Variants in KYNU observed in about 807,000 individuals in gnomAD.
The protein encoded by KYNU is kynureninase, also known as L-kynurenine hydrolase.
A neutral mutation model predicts 59.2 loss-of-function variants in KYNU; 54 were observed. That is an observed-to-expected ratio of 0.91 (90% confidence interval 0.73 to 1.14). The LOEUF (loss-of-function observed/expected upper bound fraction) is 1.14. Ranked by LOEUF, KYNU falls within the 50% of genes most tolerant of loss-of-function variation. The pLI, the probability that KYNU is intolerant of heterozygous loss-of-function variation, is 0.00. For synonymous variants in KYNU, 177 were observed against 192.0 expected (o/e 0.92, Z 0.65); for missense variants, 567 against 554.4 (o/e 1.02, Z -0.23).
chr2:143,022,763 A>G lies in KYNU; in HGVS notation c.903-6864A>G, dbSNP rs168476. Among the ~76,000 whole-genome samples the G allele has an allele frequency of 7.2e-4, 109 of 151,786 alleles. 1 individual carries two copies. The Middle Eastern group carries it at 0.024, about 33-fold the overall frequency. On this transcript the variant is annotated intron_variant, in intron 10 of 13. Transcript: ENST00000264170. ...TAATATTCTCCCAAAAAATTATTCAATTAATCTAGATTTGTCAATTTAAGC... is the reference window on the plus strand; with the variant it reads ...TAATATTCTCCCAAAAAATTATTCAGTTAATCTAGATTTGTCAATTTAAGC...
At chr2:142,896,998 C>T (rs1207141285) in intron 2 of KYNU, among the ~76,000 whole-genome samples, 1 of 152,178 alleles carries the variant, frequency 6.6e-6, no homozygotes, top group Non-Finnish European at 1.5e-5. Flanking sequence ...ATCTAACCAT[C>T]AGTCTTAAAG....
chr2:142,945,862 C>G (rs1403573393), intron 4 of KYNU, among the ~76,000 whole-genome samples: 1 of 151,848 alleles, frequency 6.6e-6, no homozygotes, highest in African/African-American at 2.4e-5. Context: ...CTCAAACTCC[C>G]AAGTAGCTGG....
chr2:142,950,235 C>A (rs1448575783), intron 4 of KYNU, among the ~76,000 whole-genome samples: 1 of 152,194 alleles, frequency 6.6e-6, no homozygotes, highest in Non-Finnish European at 1.5e-5. Context: ...CCCTCCAAAC[C>A]ATTCCAACCT....
At chr2:143,013,019 A>G (rs967948875) in intron 10 of KYNU, among the ~76,000 whole-genome samples, 1 of 151,948 alleles carries the variant, frequency 6.6e-6, no homozygotes, top group East Asian at 1.9e-4. Flanking sequence ...AAGTCTCACT[A>G]TGTTGTCCAG....
intron 4 of KYNU, chr2:142,947,254 T>C (rs1683820812): frequency 6.5e-7 from 1 of 1,545,936 alleles, no homozygotes; most frequent in Non-Finnish European, 8.7e-7. Context: ...GAGAGGAAGA[T>C]TTTCAAGTAG....
At chr2:142,891,331 C>T (rs1236929941) in intron 2 of KYNU, among the ~76,000 whole-genome samples, 1 of 151,886 alleles carries the variant, frequency 6.6e-6, no homozygotes, top group Non-Finnish European at 1.5e-5. Flanking sequence ...TTATTTTGAT[C>T]TATATAGAAG....
intron 10 of KYNU, among the ~76,000 whole-genome samples, chr2:142,992,716 T>G (rs1685437242): frequency 6.6e-6 from 1 of 151,982 alleles, no homozygotes; most frequent in Non-Finnish European, 1.5e-5. Context: ...CTTTCTAAGG[T>G]AATCTTCACT....
At chr2:142,908,278 T>C (rs923306989) in intron 2 of KYNU, among the ~76,000 whole-genome samples, 52 of 152,192 alleles carry the variant, frequency 3.4e-4, no homozygotes, top group African/African-American at 1.2e-3. Flanking sequence ...ATATGTATTT[T>C]ATTATTGAAT....
Position 142,943,973 on chromosome 2 carries a change from G to A in KYNU, c.374-10837G>A, listed in dbSNP as rs1276529272. 3.3e-5 allele frequency among the ~76,000 whole-genome samples: 5 copies of A among 152,278 alleles called. No homozygotes were observed. In the East Asian group the frequency reaches 5.8e-4, roughly 18 times the overall value. Reference sequence around the variant, plus strand: ...GAACCCTCTTATCCAATGGTAAACAGCTTGGGGCCTTGTCATCCCCACTTT... The same window carrying A: ...GAACCCTCTTATCCAATGGTAAACAACTTGGGGCCTTGTCATCCCCACTTT... On this transcript the variant is annotated intron_variant, in intron 4 of 13. Transcript: ENST00000264170.
chr2:142,981,188 G>C (rs1466098369), intron 8 of KYNU, among the ~76,000 whole-genome samples: 1 of 152,058 alleles, frequency 6.6e-6, no homozygotes, highest in African/African-American at 2.4e-5. Flanking sequence ...TTTTCATAAT[G>C]GGATATTGTA....
intron 4 of KYNU, 85 bp from the exon 5 acceptor site, chr2:142,954,725 G>A: frequency 1.2e-6 from 1 of 863,452 alleles, no homozygotes; most frequent in Non-Finnish European, 2.0e-6. Flanking sequence ...CATTAAGAAT[G>A]ATTGAGTGAA....
intron 8 of KYNU, among the ~76,000 whole-genome samples, chr2:142,973,875 A>T (rs1388346980): frequency 6.6e-6 from 1 of 152,212 alleles, no homozygotes; most frequent in African/African-American, 2.4e-5. Context: ...AAATATGTAA[A>T]GAGAATATTG....
intron 8 of KYNU, among the ~76,000 whole-genome samples, chr2:142,974,579 A>G (rs1197571967): frequency 6.6e-6 from 1 of 152,172 alleles, no homozygotes; most frequent in Non-Finnish European, 1.5e-5. Flanking sequence ...GGGCATAACA[A>G]TGGTGCCAGA....
In KYNU at chr2:142,903,572, G is replaced by A. The variant is rs552887350; in HGVS notation, c.170-15037G>A. Among the ~76,000 whole-genome samples, 32 of 152,068 alleles carry A rather than the reference G, an allele frequency of 2.1e-4. No individual in the cohort carries two copies. In the East Asian group the frequency reaches 6.2e-3, roughly 30 times the overall value. On this transcript the variant is annotated intron_variant, in intron 2 of 13. Transcript: ENST00000264170. ...CTGGAGACAGTTGTCCAGGACAGGAGAGTAAGACTGAGAAGGCCACGCCAG... is the reference window on the plus strand; with the variant it reads ...CTGGAGACAGTTGTCCAGGACAGGAAAGTAAGACTGAGAAGGCCACGCCAG...
At chr2:142,968,472 G>A (rs1045859961) in intron 8 of KYNU, among the ~76,000 whole-genome samples, 1 of 152,100 alleles carries the variant, frequency 6.6e-6, no homozygotes, top group Non-Finnish European at 1.5e-5. Flanking sequence ...AAGACCCATG[G>A]AAAGCCATTG....
chr2:142,928,160 A>T (rs1683102336), intron 4 of KYNU, among the ~76,000 whole-genome samples: 1 of 152,170 alleles, frequency 6.6e-6, no homozygotes, highest in Non-Finnish European at 1.5e-5. Context: ...TTTCAATTTA[A>T]TCTTTGGTGA....
intron 4 of KYNU, among the ~76,000 whole-genome samples, chr2:142,938,606 C>T (rs1307025222): frequency 6.6e-6 from 1 of 152,174 alleles, no homozygotes; most frequent in Non-Finnish European, 1.5e-5. Flanking sequence ...TCACTATGCA[C>T]AGAGAAACCT....
Position 143,049,585 on chromosome 2 carries a change from C to A in KYNU, c.*7413C>A, listed in dbSNP as rs1470125513. Reference sequence around the variant, plus strand: ...AAGTTTCCTGAGACCATCCCTTGCCCAGCTCTTTTGGTGATCCCCTTCACT... The same window carrying A: ...AAGTTTCCTGAGACCATCCCTTGCCAAGCTCTTTTGGTGATCCCCTTCACT... On this transcript the variant is annotated 3_prime_UTR_variant, in exon 14 of 14. Coordinates refer to ENST00000264170, the MANE Select transcript of KYNU (RefSeq NM_003937.3). The A allele has an allele frequency of 1.3e-5, 2 of 152,230 alleles. No homozygotes were observed. Among genetic ancestry groups the A allele is most frequent in the African/African-American group, 4.8e-5 (2 of 41,454 alleles). The allele number at this position is 152,230 out of a possible 1,614,324, so 9.4% of individuals were successfully genotyped here.
intron 2 of KYNU, among the ~76,000 whole-genome samples, chr2:142,889,905 C>A (rs1343660757): frequency 6.6e-6 from 1 of 151,698 alleles, no homozygotes; most frequent in Non-Finnish European, 1.5e-5. Context: ...TGAAGAAAGT[C>A]TACAGGCATA....
Sources: allele counts gnomAD v4.1 joint callset (sites outside exome capture counted in the v4.1 genomes callset), GRCh38; gene constraint gnomAD v4.1.1; transcripts MANE v1.5; gene names NCBI Gene and HGNC (gene_info 2026-07-23, HGNC 2026-07-21).